The following PRTG variants were observed in gnomAD, a reference collection of about 807,000 sequenced individuals.
PRTG encodes the protein immunoglobulin superfamily, DCC subclass, member 5.
PRTG carries 67 observed loss-of-function variants against 122.5 expected under a neutral mutation model. The observed-to-expected ratio is 0.55, with a 90% CI of 0.45 to 0.67. The LOEUF (loss-of-function observed/expected upper bound fraction) is 0.67, where lower values mean the gene tolerates loss of function less well. Among genes scored for constraint, PRTG ranks in the 30% least tolerant of loss-of-function variants. PRTG has a pLI of 0.00. For synonymous variants in PRTG, 554 were observed against 501.1 expected (o/e 1.11, Z -1.41); for missense variants, 1,435 against 1,415.4 (o/e 1.01, Z -0.22).
chr15:55,621,352 A>G (rs2059165093), intron 18 of PRTG, among the ~76,000 whole-genome samples: 2 of 148,836 alleles, frequency 1.3e-5, no homozygotes, highest in Non-Finnish European at 3.0e-5. Context: ...CTCCGTCTCA[A>G]AAAAAACAAA....
At chr15:55,693,066 T>G (rs2059613356) in intron 2 of PRTG, among the ~76,000 whole-genome samples, 1 of 151,750 alleles carries the variant, frequency 6.6e-6, no homozygotes, top group Non-Finnish European at 1.5e-5. Context: ...TCCAGGCTGG[T>G]CTTGAACTCC....
rs930549388 is a variant in PRTG, at chr15:55,612,740, A to G, written c.*7272T>C. On this transcript the variant is annotated 3_prime_UTR_variant, in exon 20 of 20. Transcript: ENST00000389286. ...TATATATATATATATATATATATAT[A>G]TATATATATGACTTAAATTGGAGTA... 1 of 94,396 alleles carries G rather than the reference A, an allele frequency of 1.1e-5. No homozygotes were observed. Among genetic ancestry groups the G allele is most frequent in the African/African-American group, 3.6e-5 (1 of 27,592 alleles). The allele number at this position is 94,396 out of a possible 1,614,324, so 5.8% of individuals were successfully genotyped here.
At position 55,679,401 on chromosome 15, in the gene PRTG, G is replaced by A. The variant is rs763021896; in HGVS notation, c.1018C>T (p.Arg340Ter). Residue 340 changes from arginine to a stop codon, truncating the protein, a stop_gained, in exon 7 of 20, where the codon CGA becomes TGA. Coordinates refer to ENST00000389286, the MANE Select transcript of PRTG (RefSeq NM_173814.6). LOFTEE classifies it high-confidence loss of function. ...CACACAAATCGAGCAGTGCCAGCTCGAGGCCTTGTTAAACTTTCTGGCCAT... is the reference window on the plus strand; with the variant it reads ...CACACAAATCGAGCAGTGCCAGCTCAAGGCCTTGTTAAACTTTCTGGCCAT... Reference protein sequence around the residue: ...VEWPESLTRPRAGTARFVCQA... With the variant: ...VEWPESLTRP The A allele has an allele frequency of 3.1e-6, 5 of 1,612,772 alleles. No individual in the cohort carries two copies. The highest frequency in any genetic ancestry group is 2.2e-5 in the East Asian group (1 of 44,838).
At chr15:55,685,347 G>C (rs1473263291) in intron 2 of PRTG, among the ~76,000 whole-genome samples, 1 of 152,132 alleles carries the variant, frequency 6.6e-6, no homozygotes, top group Non-Finnish European at 1.5e-5. Context: ...ATTCTTAGGA[G>C]GATGGACTTC....
intron 5 of PRTG, 46 bp from the exon 6 acceptor site, chr15:55,680,258 C>G (rs1444719421): frequency 1.4e-6 from 2 of 1,458,306 alleles, no homozygotes; most frequent in Admixed American, 3.5e-5. Context: ...AACAAATAAC[C>G]TGAAATTATG....
chr15:55,665,221 C>T (rs900677127), intron 11 of PRTG, among the ~76,000 whole-genome samples: 1 of 151,982 alleles, frequency 6.6e-6, no homozygotes, highest in Non-Finnish European at 1.5e-5. Flanking sequence ...GATCGCGCCC[C>T]TGCACTCCAG....
Position 55,681,489 on chromosome 15 carries a change from T to C in PRTG, c.677-861A>G, listed in dbSNP as rs1231726065. ...TGAAATATCTATTTCTTTATATGCATCTCTCTAGTTTCCCTTCTACCTATA... is the reference window on the plus strand; with the variant it reads ...TGAAATATCTATTTCTTTATATGCACCTCTCTAGTTTCCCTTCTACCTATA... On this transcript the variant is annotated intron_variant, in intron 4 of 19. Coordinates refer to ENST00000389286, the MANE Select transcript of PRTG (RefSeq NM_173814.6). 2.0e-5 allele frequency: 3 copies of C among 152,106 alleles called. No individual in the cohort carries two copies. The East Asian group carries it at 5.8e-4, about 29-fold the overall frequency. 9.4% of individuals were successfully genotyped at this position (152,106 alleles called of 1,614,324 possible). A position where few individuals can be genotyped will look rare whatever the true frequency, so the allele number is the denominator to read the frequency against.
At chr15:55,672,313 A>T (rs878886929) in intron 11 of PRTG, 132 bp downstream of exon 11, 1 of 732,410 alleles carries the variant, frequency 1.4e-6, no homozygotes, top group Middle Eastern at 3.5e-4. Flanking sequence ...TAGCATATAC[A>T]CACTGACATA....
At chr15:55,723,367 A>C (rs1470606008) in intron 2 of PRTG, among the ~76,000 whole-genome samples, 3 of 151,342 alleles carry the variant, frequency 2.0e-5, no homozygotes, top group African/African-American at 7.3e-5. Context: ...ACAAACAGAA[A>C]CCATAAGGGA....
chr15:55,720,836 T>C (rs1353595811), intron 2 of PRTG, among the ~76,000 whole-genome samples: 11 of 152,196 alleles, frequency 7.2e-5, no homozygotes, highest in Non-Finnish European at 1.5e-4. Context: ...TTTAAGAACA[T>C]TTATGAATTT....
At chr15:55,663,008 TC>T (rs760886217) in intron 11 of PRTG, among the ~76,000 whole-genome samples, 4 of 152,180 alleles carry the variant, frequency 2.6e-5, no homozygotes, top group Non-Finnish European at 4.4e-5. Flanking sequence ...AAAAGTGAAC[TC>T]AGTATCTCCT....
At chr15:55,737,868 T>C (rs1400011594) in intron 2 of PRTG, among the ~76,000 whole-genome samples, 1 of 149,544 alleles carries the variant, frequency 6.7e-6, no homozygotes, top group Admixed American at 6.7e-5. Context: ...ACAAAATCCT[T>C]GACTAAGAAA....
intron 2 of PRTG, among the ~76,000 whole-genome samples, chr15:55,739,971 T>C (rs2031556812): frequency 6.6e-6 from 1 of 152,246 alleles, no homozygotes; most frequent in Non-Finnish European, 1.5e-5. Context: ...ATAAGAAAGA[T>C]TTAGCACTCA....
chr15:55,686,243 T>A (rs7162879), intron 2 of PRTG, among the ~76,000 whole-genome samples: 37,280 of 152,034 alleles, frequency 0.25, 5,330 homozygotes, highest in East Asian at 0.58. Context: ...TAAAGCACTC[T>A]TGTCAATCCC....
chr15:55,723,552 T>C (rs1243573736), intron 2 of PRTG, among the ~76,000 whole-genome samples: 3 of 151,852 alleles, frequency 2.0e-5, no homozygotes, highest in African/African-American at 7.3e-5. Flanking sequence ...CTGAATTTGA[T>C]GAAAGAAATA....
At chr15:55,719,427 T>C (rs575617395) in intron 2 of PRTG, among the ~76,000 whole-genome samples, 1 of 152,246 alleles carries the variant, frequency 6.6e-6, no homozygotes, top group South Asian at 2.1e-4. Context: ...ACAAAAGACA[T>C]GGAAAACTTT....
chr15:55,732,049 T>C lies in PRTG; in HGVS notation c.397+8333A>G, dbSNP rs1373952140. ...GCAGCAACTGTAACACAATGGGAAG[T>C]ATTTGTGTATCTAAACATATGTAAG... On this transcript the variant is annotated intron_variant, in intron 2 of 19. Transcript: ENST00000389286. Among the ~76,000 whole-genome samples the C allele has an allele frequency of 2.0e-5, 3 of 152,220 alleles. No homozygotes were observed. The South Asian group carries it at 6.2e-4, about 31-fold the overall frequency.
At chr15:55,737,308 A>T (rs2031443353) in intron 2 of PRTG, among the ~76,000 whole-genome samples, 1 of 152,236 alleles carries the variant, frequency 6.6e-6, no homozygotes, top group Non-Finnish European at 1.5e-5. Flanking sequence ...CTTTTTTTAA[A>T]GCTAAATATT....
At chr15:55,637,062 A>C in intron 15 of PRTG, 108 bp downstream of exon 15, 1 of 977,182 alleles carries the variant, frequency 1.0e-6, no homozygotes, top group Non-Finnish European at 1.4e-6. Context: ...TTATTACTTC[A>C]TACATAAAAA....
Sources: allele counts gnomAD v4.1 joint callset (sites outside exome capture counted in the v4.1 genomes callset), GRCh38; gene constraint gnomAD v4.1.1; transcripts MANE v1.5; gene names NCBI Gene and HGNC (gene_info 2026-07-23, HGNC 2026-07-21).